The following STOML1 variants were observed in gnomAD, a reference collection of about 807,000 sequenced individuals.
The protein encoded by STOML1 is stomatin like 1.
STOML1 carries 27 observed loss-of-function variants against 35.7 expected under a neutral mutation model. That is an observed-to-expected ratio of 0.76 (90% CI 0.56 to 1.04). The LOEUF is 1.04. STOML1 is among the 50% of genes least tolerant of loss of function. The pLI is 0.00. For synonymous variants in STOML1, 219 were observed against 227.9 expected (o/e 0.96, Z 0.35); for missense variants, 451 against 527.1 (o/e 0.86, Z 1.41).
At chr15:73,989,285 G>C in intron 2 of STOML1, 28 bp from the exon 3 acceptor site, 2 of 1,558,596 alleles carry the variant, frequency 1.3e-6, no homozygotes, top group Non-Finnish European at 1.7e-6. Flanking sequence ...GGAAAGAGTT[G>C]AAAGTGGTCA....
At chr15:73,985,545 A>G in intron 4 of STOML1, 32 bp from the exon 5 acceptor site, 1 of 1,533,674 alleles carries the variant, frequency 6.5e-7, no homozygotes, top group Non-Finnish European at 8.8e-7. Flanking sequence ...AATGTAATTA[A>G]TTCAACAAAC....
rs2068947988 is a variant in STOML1, at chr15:73,980,402, GT to G, written c.*3534del. ...CAAAATGTCTATCGGTCCACGACAGGTTGAATAATTTATGATACATCCATAC... is the reference window on the plus strand; with the variant it reads ...CAAAATGTCTATCGGTCCACGACAGGTGAATAATTTATGATACATCCATAC... On this transcript the variant is annotated 3_prime_UTR_variant, in exon 7 of 7. Transcript: ENST00000541638. 1 of 152,158 alleles carries G rather than the reference GT, an allele frequency of 6.6e-6. No individual in the cohort carries two copies. Among genetic ancestry groups the G allele is most frequent in the Non-Finnish European group, 1.5e-5 (1 of 68,022 alleles). 9.4% of individuals were successfully genotyped at this position (152,158 alleles called of 1,614,324 possible). A position where few individuals can be genotyped will look rare whatever the true frequency, so the allele number is the denominator to read the frequency against.
rs2069221117 is a variant in STOML1 at position 73,990,074 on chromosome 15, G to A, written c.240+277C>T. 1.5e-5 allele frequency: 5 copies of A among 324,764 alleles called. No homozygotes were observed. The South Asian group carries it at 2.4e-4, about 15-fold the overall frequency. The allele number at this position is 324,764 out of a possible 1,614,324, so 20.1% of individuals were successfully genotyped here. ...CCCAAAGAGAAGATAATTTGGCAAAGACATCTGCGTGTACCTTAAAGCCAG... is the reference window on the plus strand; with the variant it reads ...CCCAAAGAGAAGATAATTTGGCAAAAACATCTGCGTGTACCTTAAAGCCAG... On this transcript the variant is annotated intron_variant, in intron 2 of 6. Transcript: ENST00000541638.
intron 4 of STOML1, 144 bp from the exon 5 acceptor site, chr15:73,985,657 G>C (rs995769891): frequency 1.0e-6 from 1 of 975,328 alleles, no homozygotes; most frequent in African/African-American, 1.7e-5. Context: ...ACAGGCAGAG[G>C]GCAATGACCT....
rs761374905 is a variant in STOML1, at chr15:73,989,265, C to T, written c.241-8G>A. 2 of 1,578,626 alleles carry T rather than the reference C, an allele frequency of 1.3e-6. No homozygotes were observed. Among genetic ancestry groups the T allele is most frequent in the African/African-American group, 2.7e-5 (2 of 74,052 alleles). The stretch of plus-strand genomic sequence containing the variant: ...CTCGTAGGTGGGCACAATCTGTCCA[C>T]AATGGCAAGGGAAAGAGTTGAAAGT... On this transcript the variant is annotated splice_polypyrimidine_tract_variant and splice_region_variant and intron_variant, in intron 2 of 6. Coordinates refer to ENST00000541638, the MANE Select transcript of STOML1 (RefSeq NM_004809.5).
upstream of STOML1, among the ~76,000 whole-genome samples, chr15:73,993,575 T>A (rs1232776467): frequency 1.3e-5 from 2 of 152,086 alleles, no homozygotes; most frequent in African/African-American, 4.8e-5. Context: ...CCTAGGAAGT[T>A]GCGTATCTGC....
At position 73,988,854 on chromosome 15, in the gene STOML1, G is replaced by T; in HGVS notation, c.391-52C>A. 6.3e-7 allele frequency: 1 copy of T among 1,583,074 alleles called. No homozygotes were observed. Among genetic ancestry groups the T allele is most frequent in the Non-Finnish European group, 8.6e-7 (1 of 1,160,152 alleles). ...ACACTCAAGGGGCTGGGGGTGCAGG[G>T]AGGTCAGGCCCACTGGGGCCACCCA... On this transcript the variant is annotated intron_variant, in intron 3 of 6. Transcript: ENST00000541638. The surrounding 1 kb of genome is among the most constrained non-coding windows in gnomAD (Gnocchi z 4.8).
At chr15:73,990,325 C>T in intron 2 of STOML1, 26 bp downstream of exon 2, 1 of 1,609,750 alleles carries the variant, frequency 6.2e-7, no homozygotes, top group South Asian at 1.1e-5. Flanking sequence ...CCCAACCACC[C>T]TGGGGGCTGA....
intron 2 of STOML1, chr15:73,990,009 C>T (rs1204823174): frequency 8.8e-6 from 2 of 227,940 alleles, no homozygotes; most frequent in African/African-American, 4.6e-5. Flanking sequence ...GCACTACCAG[C>T]TGGGCTAAGT....
At chr15:73,989,392 G>A (rs779884246) in intron 2 of STOML1, 135 bp from the exon 3 acceptor site, 25 of 1,095,336 alleles carry the variant, frequency 2.3e-5, no homozygotes, top group Non-Finnish European at 2.9e-5. Context: ...GTTTCCAGAT[G>A]AGAAAACCAA....
upstream of STOML1, among the ~76,000 whole-genome samples, chr15:73,994,047 G>C (rs2069363127): frequency 6.6e-6 from 1 of 152,160 alleles, no homozygotes; most frequent in Admixed American, 6.5e-5. Context: ...GGTTGTCAGA[G>C]TGACTGTCCC....
At chr15:73,990,575 G>T in intron 1 of STOML1, 118 bp from the exon 2 acceptor site, 1 of 1,016,406 alleles carries the variant, frequency 9.8e-7, no homozygotes, top group Non-Finnish European at 1.5e-6. Context: ...CCTTCTCAGG[G>T]CTCTCAATCT....
chr15:73,985,618 C>T (rs886306882), intron 4 of STOML1, 105 bp from the exon 5 acceptor site: 5 of 1,324,948 alleles, frequency 3.8e-6, no homozygotes, highest in African/African-American at 3.1e-5. Flanking sequence ...GGCACCACAC[C>T]GCCCTTGAGA....
chr15:73,986,782 AG>A (rs1439087232), intron 4 of STOML1: 2 of 152,934 alleles, frequency 1.3e-5, no homozygotes, highest in African/African-American at 4.8e-5. Context: ...TGAAGGATGT[AG>A]GGGCAGGGGC....
chr15:73,988,875 A>C lies in STOML1; in HGVS notation c.391-73T>G, dbSNP rs1266800644. 6.4e-7 allele frequency: 1 copy of C among 1,552,872 alleles called. No homozygotes were observed. Among genetic ancestry groups the C allele is most frequent in the Non-Finnish European group, 8.7e-7 (1 of 1,144,892 alleles). On this transcript the variant is annotated intron_variant, in intron 3 of 6. Coordinates refer to ENST00000541638, the MANE Select transcript of STOML1 (RefSeq NM_004809.5). The surrounding 1 kb of genome is among the most constrained non-coding windows in gnomAD (Gnocchi z 4.8). ...CAGGGAGGTCAGGCCCACTGGGGCC[A>C]CCCAGCTTGAACCACCTGCTTGGCA...
rs2068932731 is a variant in STOML1 at position 73,979,147 on chromosome 15, T to C, written c.*4790A>G. The C allele has an allele frequency of 6.6e-6, 1 of 152,166 alleles. No homozygotes were observed. The highest frequency in any genetic ancestry group is 2.4e-5 in the African/African-American group (1 of 41,440). 9.4% of individuals were successfully genotyped at this position (152,166 alleles called of 1,614,324 possible). ...GAGTACTGTGCACTCATTTCATTCA[T>C]ATGAAATGCTAGAAAAGTGAAATGT... is the stretch of plus-strand genomic sequence containing the variant. On this transcript the variant is annotated 3_prime_UTR_variant, in exon 7 of 7. Transcript: ENST00000541638.
rs2069051991 is a variant in STOML1, at chr15:73,985,217, G to C, written c.790+101C>G. 4 of 1,336,552 alleles carry C rather than the reference G, an allele frequency of 3.0e-6. No homozygotes were observed. In the African/African-American group the frequency reaches 5.9e-5, roughly 20 times the overall value. 82.8% of individuals were successfully genotyped at this position (1,336,552 alleles called of 1,614,324 possible). ...TGTGGTCAGTGTGGGCTGAACATCT[G>C]TGCAGGGTGTGTACTGCACAGAGCT... On this transcript the variant is annotated intron_variant, in intron 5 of 6. Coordinates refer to ENST00000541638, the MANE Select transcript of STOML1 (RefSeq NM_004809.5).
At chr15:73,985,226 G>A (rs1035534128) in intron 5 of STOML1, 92 bp downstream of exon 5, 3 of 1,342,694 alleles carry the variant, frequency 2.2e-6, no homozygotes, top group Non-Finnish European at 3.0e-6. Context: ...TGTGCAGGGT[G>A]TGTACTGCAC....
intron 6 of STOML1, 116 bp downstream of exon 6, chr15:73,984,543 G>A: frequency 8.8e-6 from 11 of 1,248,446 alleles, no homozygotes; most frequent in Middle Eastern, 4.1e-4. Context: ...GCCTGCCATG[G>A]GTTCACCCCA....
Sources: allele counts gnomAD v4.1 joint callset (sites outside exome capture counted in the v4.1 genomes callset), GRCh38; gene constraint gnomAD v4.1.1; non-coding constraint Gnocchi (gnomAD v3.1); transcripts MANE v1.5; gene names NCBI Gene and HGNC (gene_info 2026-07-23, HGNC 2026-07-21).